Variants in GRIK4 observed in about 807,000 individuals in gnomAD.
The protein encoded by GRIK4 is glutamate ionotropic receptor kainate type subunit 4.
A neutral mutation model predicts 104.9 loss-of-function variants in GRIK4; 40 were observed. The ratio of observed to expected loss-of-function variants is 0.38; its 90% CI spans 0.30 to 0.50. GRIK4 has a LOEUF of 0.50. Among genes scored for constraint, GRIK4 ranks in the 20% least tolerant of loss-of-function variants. The pLI is 0.93. For synonymous variants in GRIK4, 485 were observed against 524.9 expected (o/e 0.92, Z 1.04); for missense variants, 1,047 against 1,308.1 (o/e 0.80, Z 3.08).
chr11:120,870,480 T>G (rs1232630769), intron 9 of GRIK4: 8 of 152,214 alleles, frequency 5.3e-5, no homozygotes, highest in African/African-American at 1.9e-4. Context: ...TCCCATCTGC[T>G]GCAGAGAAGG....
chr11:120,579,864 C>T (rs747145094), intron 1 of GRIK4, among the ~76,000 whole-genome samples: 6 of 152,184 alleles, frequency 3.9e-5, no homozygotes, highest in African/African-American at 1.2e-4. Context: ...GGAACATCTC[C>T]GTCACCTGCC....
At position 120,874,242 on chromosome 11, in the gene GRIK4, AG is replaced by A. The variant is rs1291013953; in HGVS notation, c.1059+27del. ...TGGTGAGGAGCGGCTGAGGCCCTGCAGGGCTGTGCCCAGGCTAGTGGGGTGG... is the reference window on the plus strand; with the variant it reads ...TGGTGAGGAGCGGCTGAGGCCCTGCAGGCTGTGCCCAGGCTAGTGGGGTGG... On this transcript the variant is annotated intron_variant, in intron 10 of 20. Coordinates refer to ENST00000527524, the MANE Select transcript of GRIK4 (RefSeq NM_014619.5). The A allele has an allele frequency of 5.0e-6, 8 of 1,596,638 alleles. No homozygotes were observed. The South Asian group carries it at 7.8e-5, about 15-fold the overall frequency.
At chr11:120,639,994 TC>T (rs1414845102) in intron 1 of GRIK4, among the ~76,000 whole-genome samples, 1 of 152,132 alleles carries the variant, frequency 6.6e-6, no homozygotes, top group Non-Finnish European at 1.5e-5. Flanking sequence ...CTGTCTCCTG[TC>T]CCCTCCAGTT....
At chr11:120,982,899 A>G (rs1032899979) in intron 20 of GRIK4, among the ~76,000 whole-genome samples, 1 of 152,136 alleles carries the variant, frequency 6.6e-6, no homozygotes, top group Non-Finnish European at 1.5e-5. Flanking sequence ...GGGCCTTAAC[A>G]CAACACCGCC....
Position 120,988,276 on chromosome 11 carries a change from C to G in GRIK4, c.*2016C>G, listed in dbSNP as rs935918414. ...CCTTGCCTTGATCCTCGTGGAGAAA[C>G]GTGGATTTGGTGGGAAGGGCACCCG... is the stretch of plus-strand genomic sequence containing the variant. On this transcript the variant is annotated 3_prime_UTR_variant, in exon 21 of 21. Coordinates refer to ENST00000527524, the MANE Select transcript of GRIK4 (RefSeq NM_014619.5). 3 of 152,108 alleles carry G rather than the reference C, an allele frequency of 2.0e-5. No homozygotes were observed. Among genetic ancestry groups the G allele is most frequent in the Non-Finnish European group, 2.9e-5 (2 of 68,038 alleles). 9.4% of individuals were successfully genotyped at this position (152,108 alleles called of 1,614,324 possible).
rs1186904499 is a variant in GRIK4, at chr11:120,652,224, A to T, written c.-158-1461A>T. 2.6e-5 allele frequency among the ~76,000 whole-genome samples: 4 copies of T among 152,230 alleles called. No homozygotes were observed. In the South Asian group the frequency reaches 8.3e-4, roughly 32 times the overall value. On this transcript the variant is annotated intron_variant, in intron 1 of 20. Transcript: ENST00000527524. ...TATATTATCATAGAGTTCAGTTCTT[A>T]CAACTGCAGAATTCCCAGAGCTTCT...
intron 1 of GRIK4, among the ~76,000 whole-genome samples, chr11:120,631,825 C>G (rs1565581853): frequency 6.6e-6 from 1 of 152,116 alleles, no homozygotes. Flanking sequence ...CCTACGACAC[C>G]ACCGCTGGGC....
chr11:120,675,711 C>T (rs1950089486), intron 3 of GRIK4, among the ~76,000 whole-genome samples: 1 of 152,010 alleles, frequency 6.6e-6, no homozygotes, highest in Non-Finnish European at 1.5e-5. Context: ...ATTATTTGGT[C>T]TCTGTTTCCT....
At chr11:120,936,191 C>A in intron 13 of GRIK4, 1 of 329,876 alleles carries the variant, frequency 3.0e-6, no homozygotes, top group East Asian at 9.7e-5. Flanking sequence ...CAGCAATATC[C>A]TTTGGCATTT....
chr11:120,753,118 G>A (rs1018101416), intron 3 of GRIK4, among the ~76,000 whole-genome samples: 1 of 152,242 alleles, frequency 6.6e-6, no homozygotes, highest in Non-Finnish European at 1.5e-5. Context: ...AGCACGGATG[G>A]GTGGTTTGGA....
chr11:120,695,020 G>A lies in GRIK4; in HGVS notation c.82+34620G>A, dbSNP rs578043842. Among the ~76,000 whole-genome samples the A allele has an allele frequency of 4.4e-3, 674 of 152,206 alleles. 7 individuals carry two copies. Among genetic ancestry groups the A allele is most frequent in the African/African-American group, 0.016 (645 of 41,520 alleles). ...GAAGGTATTAAAAAAAGAATCCCGAGCCTCAGCCTCAGCCAGTCCTGCTGC... is the reference window on the plus strand; with the variant it reads ...GAAGGTATTAAAAAAAGAATCCCGAACCTCAGCCTCAGCCAGTCCTGCTGC... On this transcript the variant is annotated intron_variant, in intron 3 of 20. Coordinates refer to ENST00000527524, the MANE Select transcript of GRIK4 (RefSeq NM_014619.5).
chr11:120,726,571 C>T (rs1951030880), intron 3 of GRIK4, among the ~76,000 whole-genome samples: 1 of 152,196 alleles, frequency 6.6e-6, no homozygotes, highest in African/African-American at 2.4e-5. Flanking sequence ...GGAAAAGAGA[C>T]TGACTGCTAA....
chr11:120,922,394 C>G (rs1943244434), intron 13 of GRIK4, among the ~76,000 whole-genome samples: 1 of 152,150 alleles, frequency 6.6e-6, no homozygotes. Flanking sequence ...CTCAGTCACC[C>G]CATCCTGCTG....
chr11:120,610,750 C>T (rs1949026689), intron 1 of GRIK4, among the ~76,000 whole-genome samples: 1 of 152,178 alleles, frequency 6.6e-6, no homozygotes, highest in African/African-American at 2.4e-5. Flanking sequence ...TAGGAAATGC[C>T]TGCAGTGTCT....
intron 3 of GRIK4, among the ~76,000 whole-genome samples, chr11:120,771,944 G>A (rs1309939976): frequency 6.6e-6 from 1 of 152,234 alleles, no homozygotes; most frequent in Non-Finnish European, 1.5e-5. Flanking sequence ...CTACCCTCAT[G>A]ATCACAGATT....
At chr11:120,534,768 G>A (rs1257969287) in intron 1 of GRIK4, among the ~76,000 whole-genome samples, 1 of 152,202 alleles carries the variant, frequency 6.6e-6, no homozygotes, top group Non-Finnish European at 1.5e-5. Flanking sequence ...CATGGGGACA[G>A]GCAGATGGCC....
chr11:120,945,564 T>C (rs1036241269), intron 14 of GRIK4, among the ~76,000 whole-genome samples: 1 of 152,206 alleles, frequency 6.6e-6, no homozygotes. Context: ...GTGCTCCTGA[T>C]TGGACAGTAC....
At chr11:120,523,337 G>A (rs1456035018) in intron 1 of GRIK4, among the ~76,000 whole-genome samples, 1 of 151,964 alleles carries the variant, frequency 6.6e-6, no homozygotes, top group African/African-American at 2.4e-5. Context: ...GAAGTCAGCT[G>A]AGAAAGTGCA....
rs150029978 is a variant in GRIK4, at chr11:120,608,813, G to C, written c.-158-44872G>C. Among the ~76,000 whole-genome samples, 584 of 151,980 alleles carry C rather than the reference G, an allele frequency of 3.8e-3. 6 individuals carry two copies. Among genetic ancestry groups the C allele is most frequent in the African/African-American group, 0.013 (548 of 41,298 alleles). On this transcript the variant is annotated intron_variant, in intron 1 of 20. Coordinates refer to ENST00000527524, the MANE Select transcript of GRIK4 (RefSeq NM_014619.5). ...CCTTCTGGAAGCGCCTGTGTCTCCT[G>C]ACCTTGGATGCTCCTTCTTCAAGGT... is the stretch of plus-strand genomic sequence containing the variant.
Sources: gnomAD v4.1 joint callset for allele counts (sites outside exome capture counted in the v4.1 genomes callset) on GRCh38, gnomAD v4.1.1 for gene constraint, MANE v1.5 for transcripts, NCBI Gene and HGNC (gene_info 2026-07-23, HGNC 2026-07-21) for gene names.